AP3B1: variants seen among roughly 807,000 people sequenced by gnomAD.
AP3B1 encodes the protein adaptor related protein complex 3 subunit beta 1.
In AP3B1, 61 loss-of-function variants were observed where a neutral mutation model predicts 132.5. The ratio of observed to expected loss-of-function variants is 0.46; its 90% CI spans 0.37 to 0.57. AP3B1 has a LOEUF of 0.57. AP3B1 is among the 20% of genes least tolerant of loss of function. The pLI is 0.00. For missense variants in AP3B1, 1,120 were observed against 1,289.4 expected, an observed-to-expected ratio of 0.87 and a Z score of 2.01; for synonymous variants, 388 against 438.3, an observed-to-expected ratio of 0.89 and a Z score of 1.43.
At chr5:78,032,240 C>G (rs1747611120) in intron 24 of AP3B1, among the ~76,000 whole-genome samples, 2 of 152,212 alleles carry the variant, frequency 1.3e-5, no homozygotes, top group South Asian at 4.2e-4. Flanking sequence ...TCTTTTTATT[C>G]TAACTAATAA....
intron 24 of AP3B1, among the ~76,000 whole-genome samples, chr5:78,024,938 A>G (rs1230007628): frequency 6.7e-6 from 1 of 149,178 alleles, no homozygotes; most frequent in East Asian, 2.0e-4. Context: ...GCCTCAAGTG[A>G]TCCTCCTGCC....
At chr5:78,153,876 T>C (rs899651264) in intron 14 of AP3B1, among the ~76,000 whole-genome samples, 1 of 152,204 alleles carries the variant, frequency 6.6e-6, no homozygotes, top group East Asian at 1.9e-4. Flanking sequence ...CTTTTTGTTG[T>C]TTCTACTTAT....
At chr5:78,093,638 A>C (rs900339808) in intron 21 of AP3B1, among the ~76,000 whole-genome samples, 2 of 152,262 alleles carry the variant, frequency 1.3e-5, no homozygotes, top group South Asian at 4.1e-4. Flanking sequence ...GAAAAACTGA[A>C]TACATAATGG....
In AP3B1 at chr5:78,272,255, C is replaced by T. The variant is rs115297441; in HGVS notation, c.129-4660G>A. Reference sequence around the variant, plus strand: ...CCTTTCCCAACTGAGCCAATGTATACCTCACATGTACTAACTGATGTCTTA... The same window carrying T: ...CCTTTCCCAACTGAGCCAATGTATATCTCACATGTACTAACTGATGTCTTA... On this transcript the variant is annotated intron_variant, in intron 1 of 26. Coordinates refer to ENST00000255194, the MANE Select transcript of AP3B1 (RefSeq NM_003664.5). Among the ~76,000 whole-genome samples, 743 of 152,180 alleles carry T rather than the reference C, an allele frequency of 4.9e-3. 4 individuals carry two copies. The highest frequency in any genetic ancestry group is 0.017 in the African/African-American group (688 of 41,544).
intron 23 of AP3B1, among the ~76,000 whole-genome samples, chr5:78,037,534 C>G (rs1244265542): frequency 1.3e-5 from 2 of 152,186 alleles, no homozygotes; most frequent in East Asian, 3.9e-4. Flanking sequence ...CAGGCTTTAT[C>G]AAAAATTATT....
At chr5:78,133,728 G>A (rs950493742) in intron 15 of AP3B1, among the ~76,000 whole-genome samples, 2 of 152,090 alleles carry the variant, frequency 1.3e-5, no homozygotes, top group African/African-American at 2.4e-5. Context: ...ACAGTATAAT[G>A]TATTATCATT....
intron 1 of AP3B1, among the ~76,000 whole-genome samples, chr5:78,270,131 C>T (rs1748490248): frequency 6.6e-6 from 1 of 152,012 alleles, no homozygotes; most frequent in African/African-American, 2.4e-5. Flanking sequence ...AGGCTGGTCT[C>T]GAACTCCTGA....
At position 78,121,792 on chromosome 5, in the gene AP3B1, C is replaced by G. The variant is rs1055683970; in HGVS notation, c.1969-5558G>C. 5.9e-5 allele frequency: 9 copies of G among 152,332 alleles called. 1 individual carries two copies. Among genetic ancestry groups the G allele is most frequent in the Admixed American group, 5.9e-4 (9 of 15,300 alleles). The allele number at this position is 152,332 out of a possible 1,614,324, so 9.4% of individuals were successfully genotyped here. Reference sequence around the variant, plus strand: ...CAAGGAGGAGCTGGTACCATTCCTTCTGAAACTATTCCAATCAATAGAAAA... The same window carrying G: ...CAAGGAGGAGCTGGTACCATTCCTTGTGAAACTATTCCAATCAATAGAAAA... On this transcript the variant is annotated intron_variant, in intron 17 of 26. Transcript: ENST00000255194.
At chr5:78,068,674 T>C (rs903791790) in intron 22 of AP3B1, among the ~76,000 whole-genome samples, 2 of 152,072 alleles carry the variant, frequency 1.3e-5, no homozygotes, top group Admixed American at 6.5e-5. Context: ...ACCAGAAATA[T>C]AAAGAGGAGA....
intron 7 of AP3B1, among the ~76,000 whole-genome samples, chr5:78,192,628 C>G (rs1322618365): frequency 2.0e-5 from 3 of 152,076 alleles, no homozygotes; most frequent in Non-Finnish European, 4.4e-5. Context: ...GGCGGCAGAG[C>G]AAGACACTAT....
chr5:78,247,212 T>G (rs1239301904), intron 2 of AP3B1, among the ~76,000 whole-genome samples: 1 of 150,550 alleles, frequency 6.6e-6, no homozygotes, highest in African/African-American at 2.4e-5. Flanking sequence ...CTTTTAAGTT[T>G]GTTAAGATTG....
intron 12 of AP3B1, among the ~76,000 whole-genome samples, chr5:78,163,518 C>T (rs1217671522): frequency 6.6e-6 from 1 of 151,274 alleles, no homozygotes. Context: ...AAATAAAATA[C>T]CATACTTTTG....
In AP3B1 at chr5:78,128,147, G is replaced by A; in HGVS notation, c.1851C>T (p.Phe617=). Residue 617 remains phenylalanine, a synonymous_variant, in exon 17 of 27, where the codon TTC becomes TTT. Transcript: ENST00000255194. The stretch of plus-strand genomic sequence containing the variant: ...GAGTATGAGATAAGGTGCCAAGCTG[G>A]AAATGATCTCTATCTATTAAAAATA... The part of the protein sequence containing the change: ...LESPFKDRDH[F]QLGTLSHTLN... 6.2e-7 allele frequency: 1 copy of A among 1,606,164 alleles called. No homozygotes were observed. The highest frequency in any genetic ancestry group is 8.5e-7 in the Non-Finnish European group (1 of 1,173,228).
chr5:78,008,986 C>A (rs2112039483), intron 26 of AP3B1, among the ~76,000 whole-genome samples: 1 of 152,256 alleles, frequency 6.6e-6, no homozygotes, highest in South Asian at 2.1e-4. Context: ...GTTTGCAACC[C>A]TAGCACCAGC....
intron 22 of AP3B1, among the ~76,000 whole-genome samples, chr5:78,051,074 A>G (rs566636816): frequency 2.0e-5 from 3 of 152,206 alleles, no homozygotes; most frequent in Non-Finnish European, 4.4e-5. Context: ...AAGGAAATCT[A>G]TGTGACTCAT....
At chr5:78,016,365 A>G (rs2112056084) in intron 25 of AP3B1, among the ~76,000 whole-genome samples, 1 of 152,242 alleles carries the variant, frequency 6.6e-6, no homozygotes, top group Admixed American at 6.5e-5. Flanking sequence ...ATTCAACAAC[A>G]TACCAAACAC....
At chr5:78,186,459 C>T (rs189512246) in intron 7 of AP3B1, among the ~76,000 whole-genome samples, 3 of 152,100 alleles carry the variant, frequency 2.0e-5, no homozygotes, top group African/African-American at 4.8e-5. Flanking sequence ...GGAATAAAGT[C>T]GGTTTGGCTA....
rs1213669190 is a variant in AP3B1 at position 78,002,843 on chromosome 5, G to A, written c.*59C>T. The stretch of plus-strand genomic sequence containing the variant: ...CTATTATTATAAATGAAAGGCAGCA[G>A]TAGTGGATGCCAGGCACTTTTGTTG... On this transcript the variant is annotated 3_prime_UTR_variant, in exon 27 of 27. Coordinates refer to ENST00000255194, the MANE Select transcript of AP3B1 (RefSeq NM_003664.5). 2.0e-5 allele frequency: 31 copies of A among 1,586,680 alleles called. No individual in the cohort carries two copies. The highest frequency in any genetic ancestry group is 1.1e-5 in the South Asian group (1 of 90,528).
At position 78,249,586 on chromosome 5, in the gene AP3B1, T is replaced by C. The variant is rs1304199071; in HGVS notation, c.205-8650A>G. ...AATGATTTTTTTCTTTTTCTTTTTT[T>C]TTTTTTTTTTTTTTTGAGACAGAGT... On this transcript the variant is annotated intron_variant, in intron 2 of 26. Coordinates refer to ENST00000255194, the MANE Select transcript of AP3B1 (RefSeq NM_003664.5). 1.3e-4 allele frequency among the ~76,000 whole-genome samples: 19 copies of C among 145,442 alleles called. 1 individual carries two copies. Among genetic ancestry groups the C allele is most frequent in the Non-Finnish European group, 1.5e-4 (10 of 66,006 alleles).
Sources: allele counts gnomAD v4.1 joint callset (sites outside exome capture counted in the v4.1 genomes callset), GRCh38; gene constraint gnomAD v4.1.1; transcripts MANE v1.5; gene names NCBI Gene and HGNC (gene_info 2026-07-23, HGNC 2026-07-21).